The following SNX1 variants were observed in gnomAD, a reference collection of about 807,000 sequenced individuals.
SNX1 encodes the protein sorting nexin 1.
In SNX1, 36 loss-of-function variants were observed where a neutral mutation model predicts 71.8. That is an observed-to-expected ratio of 0.50 (90% CI 0.38 to 0.66). SNX1 has a LOEUF of 0.66. Ranked by LOEUF, SNX1 falls within the 30% of genes least tolerant of loss-of-function variation. The pLI is 0.00. For missense variants in SNX1, 612 were observed against 646.7 expected (o/e 0.95, Z 0.58); for synonymous variants, 254 against 240.7 (o/e 1.06, Z -0.51).
chr15:64,122,436 A>G (rs766119898), intron 4 of SNX1, among the ~76,000 whole-genome samples: 6 of 152,228 alleles, frequency 3.9e-5, no homozygotes, highest in Non-Finnish European at 7.3e-5. Flanking sequence ...CTGGGGAAGT[A>G]TAGCAGACAA....
At chr15:64,130,178 C>T in intron 9 of SNX1, 50 bp from the exon 10 acceptor site, 2 of 1,535,656 alleles carry the variant, frequency 1.3e-6, no homozygotes, top group Non-Finnish European at 9.0e-7. Flanking sequence ...AAAGACTGTA[C>T]TGCACCCATA....
rs1221223091 is a variant in SNX1 at position 64,138,493 on chromosome 15, T to C, written c.*875T>C. On this transcript the variant is annotated 3_prime_UTR_variant, in exon 15 of 15. Coordinates refer to ENST00000559844, the MANE Select transcript of SNX1 (RefSeq NM_003099.5). Reference sequence around the variant, plus strand: ...CCATCAAAACACATCCTCAGTAGACTGTGTGAAGGTGTGAAGGTCTGATAA... The same window carrying C: ...CCATCAAAACACATCCTCAGTAGACCGTGTGAAGGTGTGAAGGTCTGATAA... 3 of 271,704 alleles carry C rather than the reference T, an allele frequency of 1.1e-5. No individual in the cohort carries two copies. The highest frequency in any genetic ancestry group is 2.1e-5 in the Non-Finnish European group (3 of 144,946). 16.8% of individuals were successfully genotyped at this position (271,704 alleles called of 1,614,324 possible).
intron 2 of SNX1, chr15:64,115,509 T>G: frequency 2.5e-6 from 1 of 398,282 alleles, no homozygotes; most frequent in Non-Finnish European, 4.8e-6. Flanking sequence ...TAATATAAGT[T>G]TTGGCATCTT....
intron 2 of SNX1, among the ~76,000 whole-genome samples, chr15:64,114,358 C>CA (rs1257856469): frequency 1.3e-5 from 2 of 151,348 alleles, no homozygotes; most frequent in Non-Finnish European, 2.9e-5. Context: ...TAATGGATAT[C>CA]AAAAAAAAGT....
In SNX1 at chr15:64,110,695, C is replaced by T. The variant is rs143194570; in HGVS notation, c.160-1878C>T. On this transcript the variant is annotated intron_variant, in intron 1 of 14. Transcript: ENST00000559844. Reference sequence around the variant, plus strand: ...GGGATTATAGGTGTGAGCCACCACACGTGGCCACAGTTTGGGCTTTTGAAA... The same window carrying T: ...GGGATTATAGGTGTGAGCCACCACATGTGGCCACAGTTTGGGCTTTTGAAA... 4.8e-3 allele frequency among the ~76,000 whole-genome samples: 725 copies of T among 152,306 alleles called. 5 individuals are homozygous for T. Among genetic ancestry groups the T allele is most frequent in the African/African-American group, 0.016 (677 of 41,556 alleles).
intron 4 of SNX1, among the ~76,000 whole-genome samples, chr15:64,121,821 C>A (rs1338346075): frequency 6.6e-6 from 1 of 152,210 alleles, no homozygotes. Context: ...TATTCAAGGC[C>A]TGATCTTTAT....
At chr15:64,107,263 T>C (rs1269530313) in intron 1 of SNX1, among the ~76,000 whole-genome samples, 1 of 152,242 alleles carries the variant, frequency 6.6e-6, no homozygotes, top group African/African-American at 2.4e-5. Flanking sequence ...GACCTCTAAA[T>C]ACAGTTAAGT....
chr15:64,135,065 G>C, intron 12 of SNX1: 1 of 451,800 alleles, frequency 2.2e-6, no homozygotes, highest in Non-Finnish European at 3.9e-6. Context: ...TGTAATCCTA[G>C]CACTTTGGGA....
chr15:64,137,687 T>TG lies in SNX1; in HGVS notation c.*71dup, dbSNP rs1364161311. The TG allele has an allele frequency of 2.5e-6, 4 of 1,609,768 alleles. No individual in the cohort carries two copies. The highest frequency in any genetic ancestry group is 3.4e-6 in the Non-Finnish European group (4 of 1,177,544). On this transcript the variant is annotated 3_prime_UTR_variant, in exon 15 of 15. Transcript: ENST00000559844. ...TATACACTGTCCTCCTCCACCTTGA[T>TG]GGACCCCTAGTGATGCATCCTGCCT...
At chr15:64,116,220 T>A (rs2081127452) in intron 2 of SNX1, among the ~76,000 whole-genome samples, 1 of 152,212 alleles carries the variant, frequency 6.6e-6, no homozygotes, top group Non-Finnish European at 1.5e-5. Flanking sequence ...TACCTTTCAT[T>A]AAATGGAAGT....
chr15:64,141,027 G>GATAGATAGATA lies in SNX1; in HGVS notation c.*3416_*3417insGATAATAGATA, dbSNP rs2081409318. 1 of 61,692 alleles carries GATAGATAGATA rather than the reference G, an allele frequency of 1.6e-5. No homozygotes were observed. Among genetic ancestry groups the GATAGATAGATA allele is most frequent in the African/African-American group, 7.3e-5 (1 of 13,656 alleles). The allele number at this position is 61,692 out of a possible 1,614,324, so 3.8% of individuals were successfully genotyped here. A position where few individuals can be genotyped will look rare whatever the true frequency, so the allele number is the denominator to read the frequency against. ...TAGATAGATAGATAGATAGATAGAT[G>GATAGATAGATA]ATAGATATAGATAGATAGATAGATT... On this transcript the variant is annotated 3_prime_UTR_variant, in exon 15 of 15. Coordinates refer to ENST00000559844, the MANE Select transcript of SNX1 (RefSeq NM_003099.5). This position sits in a 1 kb window ranked among gnomAD's most constrained non-coding sequence, Gnocchi z 5.1.
In SNX1 at chr15:64,096,044, T is replaced by C. The variant is rs2080894410; in HGVS notation, c.31T>C (p.Ser11Pro). 1.9e-6 allele frequency: 3 copies of C among 1,593,636 alleles called. No individual in the cohort carries two copies. The highest frequency in any genetic ancestry group is 2.6e-6 in the Non-Finnish European group (3 of 1,174,150). The change falls in exon 1 of 15, where the codon TCG becomes CCG. Residue 11 changes from serine (S) to proline (P), a missense_variant. Physicochemically the swap from Ser to Pro is moderately conservative, Grantham distance 74. Coordinates refer to ENST00000559844, the MANE Select transcript of SNX1 (RefSeq NM_003099.5). ...GTCGGGTGGTGGTGGCTGTAGCGCT[T>C]CGGAGAGACTGCCTCCGCCCTTCCC... MASGGGGCSA[S>P]ERLPPPFPGL... is the part of the protein sequence containing the mutation.
At chr15:64,117,654 TG>T (rs2081144433) in intron 2 of SNX1, among the ~76,000 whole-genome samples, 1 of 152,196 alleles carries the variant, frequency 6.6e-6, no homozygotes, top group Non-Finnish European at 1.5e-5. Context: ...TAGCTGGCTG[TG>T]GTGGTATGCA....
chr15:64,136,953 C>T (rs1456779236), intron 14 of SNX1, 21 bp downstream of exon 14: 2 of 1,602,890 alleles, frequency 1.2e-6, no homozygotes, highest in African/African-American at 2.7e-5. Flanking sequence ...TGTGTGTGAC[C>T]TTCATCCTCT....
Position 64,117,210 on chromosome 15 carries a change from A to G in SNX1, c.272-907A>G, listed in dbSNP as rs116052356. On this transcript the variant is annotated intron_variant, in intron 2 of 14. Transcript: ENST00000559844. ...TCCTGTCAGTATGCCTGCCTCTTCT[A>G]TCATATTGGTGTGTAAAGCAAATAT... Among the ~76,000 whole-genome samples, 630 of 152,128 alleles carry G rather than the reference A, an allele frequency of 4.1e-3. 7 individuals carry two copies. The highest frequency in any genetic ancestry group is 0.014 in the African/African-American group (576 of 41,486).
chr15:64,125,279 A>G (rs1041254554), intron 5 of SNX1, among the ~76,000 whole-genome samples: 5 of 152,052 alleles, frequency 3.3e-5, no homozygotes, highest in Admixed American at 2.6e-4. Flanking sequence ...CCCGGCCAAC[A>G]TGGTGAAACC....
Position 64,129,103 on chromosome 15 carries a change from G to A in SNX1, c.808-813G>A, listed in dbSNP as rs2898653. 1.3e-5 allele frequency among the ~76,000 whole-genome samples: 2 copies of A among 151,816 alleles called. No homozygotes were observed. The highest frequency in any genetic ancestry group is 1.9e-4 in the East Asian group (1 of 5,180). On this transcript the variant is annotated intron_variant, in intron 8 of 14. Coordinates refer to ENST00000559844, the MANE Select transcript of SNX1 (RefSeq NM_003099.5). This position sits in a 1 kb window ranked among gnomAD's most constrained non-coding sequence, Gnocchi z 4.4. ...CTCTACTAAAAATACAAAAATTAGC[G>A]GGTCGTGGTGGCGGGCACCTATAAT...
At chr15:64,099,134 A>ATTAAGTAAT (rs952213248) in intron 1 of SNX1, among the ~76,000 whole-genome samples, 3 of 152,242 alleles carry the variant, frequency 2.0e-5, no homozygotes, top group African/African-American at 7.2e-5. Context: ...ACATTGAAGA[A>ATTAAGTAAT]TTAAGTAATT....
chr15:64,112,565 G>C lies in SNX1; in HGVS notation c.160-8G>C. ...AATGTTTTATTCAGAGTATCTCTTT[G>C]TTTTCAGAGTAAACATCAGTCTCCA... On this transcript the variant is annotated splice_polypyrimidine_tract_variant and splice_region_variant and intron_variant, in intron 1 of 14. Coordinates refer to ENST00000559844, the MANE Select transcript of SNX1 (RefSeq NM_003099.5). 1 of 1,577,928 alleles carries C rather than the reference G, an allele frequency of 6.3e-7. No individual in the cohort carries two copies. Among genetic ancestry groups the C allele is most frequent in the Non-Finnish European group, 8.7e-7 (1 of 1,154,676 alleles).
Sources: gnomAD v4.1 joint callset for allele counts (sites outside exome capture counted in the v4.1 genomes callset) on GRCh38, gnomAD v4.1.1 for gene constraint, Gnocchi (gnomAD v3.1) non-coding constraint, MANE v1.5 for transcripts, NCBI Gene and HGNC (gene_info 2026-07-23, HGNC 2026-07-21) for gene names.